The following DGKG variants were observed in gnomAD, a reference collection of about 807,000 sequenced individuals.
DGKG encodes DAG kinase gamma.
Under a neutral mutation model 105.3 loss-of-function variants are expected in DGKG, and 78 were observed. That is an observed-to-expected ratio of 0.74 (90% CI 0.62 to 0.89). DGKG has a LOEUF of 0.89. Among genes scored for constraint, DGKG ranks in the 40% least tolerant of loss-of-function variants. The probability of loss-of-function intolerance (pLI) is 0.00; values close to 1 mark genes in which losing one functional copy is unlikely to be tolerated. For missense variants in DGKG, 958 were observed against 1,020.1 expected, an observed-to-expected ratio of 0.94 and a Z score of 0.83; for synonymous variants, 346 against 367.1, an observed-to-expected ratio of 0.94 and a Z score of 0.66.
Position 186,161,000 on chromosome 3 carries a change from C to T in DGKG, c.2277+603G>A, listed in dbSNP as rs537236238. ...CTATTACAAACCAGGCACTGTTCTA[C>T]GTTCTGGGTGACAGTGCCATAAACA... On this transcript the variant is annotated intron_variant, in intron 24 of 24. Coordinates refer to ENST00000265022, the MANE Select transcript of DGKG (RefSeq NM_001346.3). 2.3e-5 allele frequency: 23 copies of T among 985,856 alleles called. No homozygotes were observed. The East Asian group carries it at 7.9e-4, about 34-fold the overall frequency. 61.1% of individuals were successfully genotyped at this position (985,856 alleles called of 1,614,324 possible). A position where few individuals can be genotyped will look rare whatever the true frequency, so the allele number is the denominator to read the frequency against.
intron 19 of DGKG, among the ~76,000 whole-genome samples, chr3:186,244,499 G>A (rs1427020498): frequency 1.3e-5 from 2 of 151,074 alleles, no homozygotes; most frequent in Non-Finnish European, 2.9e-5. Context: ...TCACCTCCCA[G>A]GTTCCAGAGA....
chr3:186,208,009 G>A (rs1056406049), intron 21 of DGKG, among the ~76,000 whole-genome samples: 1 of 152,096 alleles, frequency 6.6e-6, no homozygotes, highest in East Asian at 1.9e-4. Context: ...GAAATCGCCT[G>A]TATATCGCCT....
intron 24 of DGKG, chr3:186,158,548 G>T: frequency 1.0e-6 from 1 of 958,900 alleles, no homozygotes; most frequent in Non-Finnish European, 1.2e-6. Flanking sequence ...TCTGCAACTG[G>T]ATTTTATGGA....
intron 3 of DGKG, among the ~76,000 whole-genome samples, chr3:186,304,021 G>A: frequency 6.6e-6 from 1 of 152,230 alleles, no homozygotes; most frequent in Non-Finnish European, 1.5e-5. Flanking sequence ...GAGCTCCCTG[G>A]GACCCAGCAG....
At chr3:186,202,706 G>T (rs555753920) in intron 21 of DGKG, among the ~76,000 whole-genome samples, 1 of 152,352 alleles carries the variant, frequency 6.6e-6, no homozygotes, top group East Asian at 1.9e-4. Flanking sequence ...AGTTGGCTGA[G>T]AGGATCTTCC....
At chr3:186,239,313 G>A (rs1477629968) in intron 20 of DGKG, among the ~76,000 whole-genome samples, 1 of 152,210 alleles carries the variant, frequency 6.6e-6, no homozygotes, top group East Asian at 1.9e-4. Context: ...TTCCGGCCAA[G>A]CAGTAACTAC....
At chr3:186,162,832 G>A (rs1250231166) in intron 23 of DGKG, among the ~76,000 whole-genome samples, 1 of 151,890 alleles carries the variant, frequency 6.6e-6, no homozygotes, top group African/African-American at 2.4e-5. Context: ...GTGAGCCACC[G>A]CGCCTGGCCC....
intron 20 of DGKG, among the ~76,000 whole-genome samples, chr3:186,232,707 G>T (rs1720213056): frequency 6.6e-6 from 1 of 152,052 alleles, no homozygotes; most frequent in South Asian, 2.1e-4. Flanking sequence ...TTAATTACAT[G>T]ATAAATGTAT....
intron 1 of DGKG, among the ~76,000 whole-genome samples, chr3:186,338,200 A>C (rs1390056229): frequency 2.6e-5 from 4 of 151,834 alleles, no homozygotes; most frequent in African/African-American, 9.7e-5. Context: ...AAAGAAGGAA[A>C]AGTAGAATGT....
chr3:186,205,481 G>A lies in DGKG; in HGVS notation c.1917+6314C>T, dbSNP rs1192305661. ...TCTCAGCACTTTGGGAGGCCAAGGT[G>A]GGTGGGTCACCTGAGGTTAGGAGTT... On this transcript the variant is annotated intron_variant, in intron 21 of 24. Coordinates refer to ENST00000265022, the MANE Select transcript of DGKG (RefSeq NM_001346.3). Among the ~76,000 whole-genome samples the A allele has an allele frequency of 3.3e-5, 5 of 152,050 alleles. No individual in the cohort carries two copies. The East Asian group carries it at 5.8e-4, about 18-fold the overall frequency.
At chr3:186,235,794 T>A (rs1392474598) in intron 20 of DGKG, among the ~76,000 whole-genome samples, 1 of 152,012 alleles carries the variant, frequency 6.6e-6, no homozygotes, top group East Asian at 1.9e-4. Flanking sequence ...ACGTGGTGGG[T>A]GAGGGGAAAG....
At chr3:186,191,180 C>A (rs192479980) in intron 21 of DGKG, among the ~76,000 whole-genome samples, 2 of 152,054 alleles carry the variant, frequency 1.3e-5, no homozygotes, top group Admixed American at 6.6e-5. Context: ...AACATTGTGC[C>A]GAGATCAAAC....
chr3:186,296,282 G>A (rs1723560112), intron 5 of DGKG, among the ~76,000 whole-genome samples: 1 of 152,148 alleles, frequency 6.6e-6, no homozygotes, highest in Non-Finnish European at 1.5e-5. Flanking sequence ...GGGACACTGA[G>A]GCACAGAGAC....
At chr3:186,223,432 T>C (rs1406578370) in intron 20 of DGKG, among the ~76,000 whole-genome samples, 1 of 152,106 alleles carries the variant, frequency 6.6e-6, no homozygotes, top group Non-Finnish European at 1.5e-5. Flanking sequence ...TTCCCCACCA[T>C]CGGCTGGTTA....
At chr3:186,154,942 G>T (rs1223302175) in intron 24 of DGKG, among the ~76,000 whole-genome samples, 1 of 152,086 alleles carries the variant, frequency 6.6e-6, no homozygotes, top group African/African-American at 2.4e-5. Context: ...TCAAGTCTGA[G>T]AATCACCAGA....
At chr3:186,297,938 T>C in intron 4 of DGKG, 126 bp downstream of exon 4, 1 of 1,093,664 alleles carries the variant, frequency 9.1e-7, no homozygotes, top group Non-Finnish European at 1.3e-6. Context: ...CCCTGTCCCT[T>C]GGTTCATGTT....
At chr3:186,324,296 C>T (rs937989045) in intron 1 of DGKG, among the ~76,000 whole-genome samples, 1 of 152,030 alleles carries the variant, frequency 6.6e-6, no homozygotes, top group Non-Finnish European at 1.5e-5. Context: ...ACATATTTTT[C>T]ATCCCTTGAA....
At chr3:186,330,025 A>T (rs1330856749) in intron 1 of DGKG, among the ~76,000 whole-genome samples, 2 of 152,154 alleles carry the variant, frequency 1.3e-5, no homozygotes, top group Admixed American at 6.5e-5. Flanking sequence ...TTATTGACCA[A>T]GATCATTTTC....
At position 186,147,805 on chromosome 3, in the gene DGKG, C is replaced by A. The variant is rs535086393; in HGVS notation, c.*2285G>T. 1 of 985,434 alleles carries A rather than the reference C, an allele frequency of 1.0e-6. No individual in the cohort carries two copies. The highest frequency in any genetic ancestry group is 1.2e-6 in the Non-Finnish European group (1 of 829,932). 61.0% of individuals were successfully genotyped at this position (985,434 alleles called of 1,614,324 possible). A position where few individuals can be genotyped will look rare whatever the true frequency, so the allele number is the denominator to read the frequency against. On this transcript the variant is annotated 3_prime_UTR_variant, in exon 25 of 25. Coordinates refer to ENST00000265022, the MANE Select transcript of DGKG (RefSeq NM_001346.3). ...TGTCTTAGAATCAGTGACCCCAAAC[C>A]TGAACCTGCCTCAGTTTCAGAAACA...
Sources: allele counts gnomAD v4.1 joint callset (sites outside exome capture counted in the v4.1 genomes callset), GRCh38; gene constraint gnomAD v4.1.1; transcripts MANE v1.5; gene names NCBI Gene and HGNC (gene_info 2026-07-23, HGNC 2026-07-21).